GPC6: variants seen among roughly 807,000 people sequenced by gnomAD.
GPC6 encodes glypican 6.
GPC6 carries 14 observed loss-of-function variants against 55.2 expected under a neutral mutation model. That is an observed-to-expected ratio of 0.25 (90% CI 0.17 to 0.40). The LOEUF (loss-of-function observed/expected upper bound fraction) is 0.40. GPC6 is among the 10% of genes least tolerant of loss of function. The pLI, the probability that GPC6 is intolerant of heterozygous loss-of-function variation, is 1.00. For synonymous variants in GPC6, 278 were observed against 259.6 expected, an observed-to-expected ratio of 1.07 and a Z score of -0.68; for missense variants, 641 against 708.5, an observed-to-expected ratio of 0.90 and a Z score of 1.08.
chr13:93,420,100 C>T (rs1222591806), intron 1 of GPC6, among the ~76,000 whole-genome samples: 1 of 152,080 alleles, frequency 6.6e-6, no homozygotes, highest in African/African-American at 2.4e-5. Flanking sequence ...TTTATAATTA[C>T]AGAGCTAAAA....
At chr13:93,759,892 T>C (rs1283005457) in intron 2 of GPC6, among the ~76,000 whole-genome samples, 1 of 151,736 alleles carries the variant, frequency 6.6e-6, no homozygotes, top group Non-Finnish European at 1.5e-5. Flanking sequence ...ATGTTGACTC[T>C]ATGATCTAGA....
At chr13:93,808,994 A>G (rs1439120067) in intron 2 of GPC6, among the ~76,000 whole-genome samples, 3 of 152,220 alleles carry the variant, frequency 2.0e-5, no homozygotes, top group Admixed American at 2.0e-4. Context: ...GTTGAATTCT[A>G]CACACATTTT....
chr13:93,887,592 G>A (rs908986821), intron 3 of GPC6, among the ~76,000 whole-genome samples: 7 of 152,176 alleles, frequency 4.6e-5, no homozygotes, highest in Admixed American at 3.9e-4. Flanking sequence ...GAAGTAAAGA[G>A]ATAATTTGGG....
chr13:93,595,149 A>G (rs1221386694), intron 2 of GPC6, among the ~76,000 whole-genome samples: 1 of 152,188 alleles, frequency 6.6e-6, no homozygotes, highest in Non-Finnish European at 1.5e-5. Context: ...TTTTAAATTT[A>G]TATTATAGAT....
Position 93,912,603 on chromosome 13 carries a change from T to C in GPC6, c.711+82058T>C, listed in dbSNP as rs373789753. Among the ~76,000 whole-genome samples the C allele has an allele frequency of 1.7e-3, 260 of 151,854 alleles. 3 individuals are homozygous for C. The highest frequency in any genetic ancestry group is 6.8e-3 in the Middle Eastern group (2 of 294). On this transcript the variant is annotated intron_variant, in intron 3 of 8. Coordinates refer to ENST00000377047, the MANE Select transcript of GPC6 (RefSeq NM_005708.5). Reference sequence around the variant, plus strand: ...CTAAAAATACAAAAAATTAGCCTGGTGTGGTGGCGGGCGCCTGTAGTCCCA... The same window carrying C: ...CTAAAAATACAAAAAATTAGCCTGGCGTGGTGGCGGGCGCCTGTAGTCCCA...
At chr13:93,852,392 T>C (rs925770440) in intron 3 of GPC6, among the ~76,000 whole-genome samples, 8 of 151,790 alleles carry the variant, frequency 5.3e-5, no homozygotes, top group African/African-American at 1.9e-4. Flanking sequence ...CTCTCCAAAG[T>C]ATCTTTAAGG....
At chr13:94,305,888 A>G in intron 5 of GPC6, 92 bp from the exon 6 acceptor site, 1 of 1,185,910 alleles carries the variant, frequency 8.4e-7, no homozygotes, top group Admixed American at 1.7e-5. Context: ...TTCATAAGAA[A>G]TGTGGACACC....
chr13:93,432,059 C>T (rs748475696), intron 1 of GPC6, among the ~76,000 whole-genome samples: 11 of 152,142 alleles, frequency 7.2e-5, no homozygotes, highest in Non-Finnish European at 1.5e-4. Context: ...ATGTCACTAT[C>T]AATTGCAGCA....
intron 4 of GPC6, among the ~76,000 whole-genome samples, chr13:94,180,894 GAGAGGGA>G (rs1888971243): frequency 6.6e-6 from 1 of 151,994 alleles, no homozygotes; most frequent in African/African-American, 2.4e-5. Flanking sequence ...GAGAGAGAGA[GAGAGGGA>G]GAGAGACTGA....
In GPC6 at chr13:93,258,949, C is replaced by T. The variant is rs142663039; in HGVS notation, c.160+31333C>T. ...TAGGTGACAGAGTGAGACACTGTCT[C>T]GAAAAATGAACAATAACAAAAACAA... is the stretch of plus-strand genomic sequence containing the variant. On this transcript the variant is annotated intron_variant, in intron 1 of 8. Coordinates refer to ENST00000377047, the MANE Select transcript of GPC6 (RefSeq NM_005708.5). Among the ~76,000 whole-genome samples the T allele has an allele frequency of 2.6e-3, 401 of 151,868 alleles. 1 individual carries two copies. The highest frequency in any genetic ancestry group is 0.01 in the Middle Eastern group (3 of 294).
At chr13:93,335,933 A>G (rs1342786499) in intron 1 of GPC6, among the ~76,000 whole-genome samples, 1 of 152,262 alleles carries the variant, frequency 6.6e-6, no homozygotes, top group African/African-American at 2.4e-5. Flanking sequence ...TATCCTAAGA[A>G]TAGGCACAAA....
chr13:94,288,923 T>C (rs1253620390), intron 5 of GPC6, among the ~76,000 whole-genome samples: 2 of 123,774 alleles, frequency 1.6e-5, no homozygotes, highest in Non-Finnish European at 3.2e-5. Context: ...GTTATATATA[T>C]AACAAATATA....
At chr13:93,379,964 A>G (rs2139202689) in intron 1 of GPC6, among the ~76,000 whole-genome samples, 1 of 151,548 alleles carries the variant, frequency 6.6e-6, no homozygotes, top group African/African-American at 2.4e-5. Context: ...GTCTCAAAAA[A>G]AAAAAAAAAA....
At chr13:94,038,093 T>C (rs1029930754) in intron 4 of GPC6, among the ~76,000 whole-genome samples, 21 of 152,100 alleles carry the variant, frequency 1.4e-4, no homozygotes, top group African/African-American at 4.6e-4. Context: ...TCCAGTTTTA[T>C]TGAGGTAGAA....
At chr13:93,386,169 G>C (rs1184728664) in intron 1 of GPC6, among the ~76,000 whole-genome samples, 1 of 149,218 alleles carries the variant, frequency 6.7e-6, no homozygotes, top group African/African-American at 2.5e-5. Context: ...TTATTACTCT[G>C]TAATTTTGAG....
chr13:93,731,252 G>C (rs971131654), intron 2 of GPC6, among the ~76,000 whole-genome samples: 6 of 152,078 alleles, frequency 3.9e-5, no homozygotes, highest in African/African-American at 1.4e-4. Context: ...TTCTGGATCT[G>C]AATTCTTTTT....
At chr13:93,322,924 T>C (rs2139125271) in intron 1 of GPC6, among the ~76,000 whole-genome samples, 1 of 152,216 alleles carries the variant, frequency 6.6e-6, no homozygotes, top group South Asian at 2.1e-4. Flanking sequence ...TTTCTCCTAA[T>C]GCTATCCCTC....
chr13:93,483,181 G>A (rs767018206), intron 1 of GPC6, among the ~76,000 whole-genome samples: 5 of 152,090 alleles, frequency 3.3e-5, no homozygotes, highest in African/African-American at 1.2e-4. Flanking sequence ...GGAGACATAC[G>A]TAGTTTGATT....
intron 1 of GPC6, among the ~76,000 whole-genome samples, chr13:93,298,049 G>A (rs975522865): frequency 7.9e-5 from 12 of 152,306 alleles, no homozygotes; most frequent in Admixed American, 3.3e-4. Context: ...GAAAGAGAAA[G>A]CAGTAAAGTG....
Sources: gnomAD v4.1 joint callset for allele counts (sites outside exome capture counted in the v4.1 genomes callset) on GRCh38, gnomAD v4.1.1 for gene constraint, MANE v1.5 for transcripts, NCBI Gene and HGNC (gene_info 2026-07-23, HGNC 2026-07-21) for gene names.